Variants in CDC6 observed in about 807,000 individuals in gnomAD.
The protein encoded by CDC6 is cell division cycle 6, also known as DNA replication factor CDC6.
In CDC6, 46 loss-of-function variants were observed where a neutral mutation model predicts 60.2. The ratio of observed to expected loss-of-function variants is 0.76; its 90% CI spans 0.60 to 0.98. The LOEUF (loss-of-function observed/expected upper bound fraction) is 0.98. CDC6 is among the 50% of genes least tolerant of loss of function. The probability of loss-of-function intolerance (pLI) is 0.00; values close to 1 mark genes in which losing one functional copy is unlikely to be tolerated. For synonymous variants in CDC6, 210 were observed against 233.2 expected (o/e 0.90, Z 0.90); for missense variants, 596 against 652.9 (o/e 0.91, Z 0.95).
intron 4 of CDC6, among the ~76,000 whole-genome samples, chr17:40,292,492 G>C (rs760319042): frequency 4.6e-5 from 7 of 151,958 alleles, no homozygotes; most frequent in Non-Finnish European, 1.0e-4. Flanking sequence ...AAAATTAGCC[G>C]GGCATGGTGG....
At chr17:40,290,783 A>G (rs1037740051) in intron 2 of CDC6, among the ~76,000 whole-genome samples, 1 of 152,210 alleles carries the variant, frequency 6.6e-6, no homozygotes, top group African/African-American at 2.4e-5. Flanking sequence ...ACTCCACAGC[A>G]TGCAATTTAA....
At chr17:40,296,577 C>G in intron 8 of CDC6, 126 bp from the exon 9 acceptor site, 1 of 689,946 alleles carries the variant, frequency 1.4e-6, no homozygotes, top group African/African-American at 1.8e-5. Flanking sequence ...CCATGTTAGC[C>G]TACATGACCA....
chr17:40,292,532 G>A lies in CDC6; in HGVS notation c.660+864G>A, dbSNP rs955208851. 4.6e-5 allele frequency among the ~76,000 whole-genome samples: 7 copies of A among 152,122 alleles called. 1 individual carries two copies. The highest frequency in any genetic ancestry group is 3.9e-4 in the Admixed American group (6 of 15,276). ...TGCCTATAATCCCAGCTACTCGGGA[G>A]GCTGAGGCAGGAGGATCACTTGAAC... On this transcript the variant is annotated intron_variant, in intron 4 of 11. Transcript: ENST00000209728.
At chr17:40,299,432 T>A (rs2032907119) in intron 9 of CDC6, among the ~76,000 whole-genome samples, 1 of 151,260 alleles carries the variant, frequency 6.6e-6, no homozygotes, top group Non-Finnish European at 1.5e-5. Context: ...TCCACCCTCC[T>A]ATAGGCCCCA....
chr17:40,294,298 C>A, intron 6 of CDC6, 66 bp from the exon 7 acceptor site: 1 of 1,314,908 alleles, frequency 7.6e-7, no homozygotes. Flanking sequence ...ATTTAGCTTT[C>A]AGAAGATTTA....
At chr17:40,298,378 G>A (rs1029342036) in intron 9 of CDC6, among the ~76,000 whole-genome samples, 3 of 150,808 alleles carry the variant, frequency 2.0e-5, no homozygotes, top group East Asian at 2.0e-4. Context: ...TGGTTTGTGC[G>A]GGATTGGCTT....
At chr17:40,301,087 G>A (rs2032933922) in intron 10 of CDC6, 57 bp downstream of exon 10, 1 of 1,259,034 alleles carries the variant, frequency 7.9e-7, no homozygotes, top group Non-Finnish European at 1.2e-6. Context: ...GCTTTGCAGA[G>A]CAGGTATTTT....
At chr17:40,288,571 C>T (rs2032697563) in intron 1 of CDC6, among the ~76,000 whole-genome samples, 1 of 150,530 alleles carries the variant, frequency 6.6e-6, no homozygotes, top group African/African-American at 2.4e-5. Flanking sequence ...AGGCGCCCGC[C>T]ACCACGTCCG....
rs186714453 is a variant in CDC6, at chr17:40,295,270, A to G, written c.1084-86A>G. ...GAGTTGCCAATCAAGTTTAGGGTTA[A>G]ATGTGAAAATATTTATGCTTGGGAC... On this transcript the variant is annotated intron_variant, in intron 7 of 11. Coordinates refer to ENST00000209728, the MANE Select transcript of CDC6 (RefSeq NM_001254.4). 161 of 906,550 alleles carry G rather than the reference A, an allele frequency of 1.8e-4. No homozygotes were observed. The African/African-American group carries it at 2.1e-3, about 12-fold the overall frequency. 56.2% of individuals were successfully genotyped at this position (906,550 alleles called of 1,614,324 possible). A position where few individuals can be genotyped will look rare whatever the true frequency, so the allele number is the denominator to read the frequency against.
At chr17:40,297,802 A>C (rs1284273198) in intron 9 of CDC6, among the ~76,000 whole-genome samples, 1 of 152,212 alleles carries the variant, frequency 6.6e-6, no homozygotes, top group Admixed American at 6.5e-5. Context: ...TATAAGTTCA[A>C]CTTGGGATAT....
Position 40,293,451 on chromosome 17 carries a change from T to C in CDC6, c.661-5T>C, listed in dbSNP as rs766351438. ...TAACTCCCATATTTGCATTTTTTTTTCCAGAAGGAACTGAAAGGCTTTAAA... is the reference window on the plus strand; with the variant it reads ...TAACTCCCATATTTGCATTTTTTTTCCCAGAAGGAACTGAAAGGCTTTAAA... On this transcript the variant is annotated splice_region_variant and splice_polypyrimidine_tract_variant and intron_variant, in intron 4 of 11. Transcript: ENST00000209728. The C allele has an allele frequency of 2.9e-5, 46 of 1,613,296 alleles. No homozygotes were observed. Among genetic ancestry groups the C allele is most frequent in the Middle Eastern group, 3.3e-4 (2 of 6,084 alleles).
At chr17:40,299,138 CTTTTTTTTTT>C (rs67162965) in intron 9 of CDC6, among the ~76,000 whole-genome samples, 47 of 60,780 alleles carry the variant, frequency 7.7e-4, no homozygotes, top group Non-Finnish European at 1.1e-3. Flanking sequence ...AGGCCATAGT[CTTTTTTTTTT>C]TTTTTTTTTT....
At chr17:40,295,230 C>A in intron 7 of CDC6, 126 bp from the exon 8 acceptor site, 2 of 746,126 alleles carry the variant, frequency 2.7e-6, no homozygotes, top group South Asian at 1.5e-5. Context: ...GAAAAGGCAT[C>A]TTTTTAACCC....
intron 4 of CDC6, 103 bp downstream of exon 4, chr17:40,291,771 A>T: frequency 8.1e-7 from 1 of 1,235,994 alleles, no homozygotes; most frequent in Non-Finnish European, 1.2e-6. Context: ...TTTGAGACGG[A>T]GTCTCGCTCT....
At chr17:40,289,933 A>C (rs1300826471) in intron 2 of CDC6, among the ~76,000 whole-genome samples, 1 of 144,422 alleles carries the variant, frequency 6.9e-6, no homozygotes, top group African/African-American at 2.6e-5. Context: ...CATATTGGCC[A>C]ATCTGGTCTC....
At chr17:40,298,831 A>T (rs2032895877) in intron 9 of CDC6, among the ~76,000 whole-genome samples, 2 of 152,216 alleles carry the variant, frequency 1.3e-5, no homozygotes, top group South Asian at 4.1e-4. Flanking sequence ...AGCATTGAAG[A>T]TATTCAGACA....
chr17:40,303,117 G>C lies in CDC6; in HGVS notation c.*1116G>C, dbSNP rs1233135842. On this transcript the variant is annotated 3_prime_UTR_variant, in exon 12 of 12. Coordinates refer to ENST00000209728, the MANE Select transcript of CDC6 (RefSeq NM_001254.4). Reference sequence around the variant, plus strand: ...ATTAGATAAATTAGTCCATATGGTTGGTTAATCAAGAGCCTTCTGGGTTTG... The same window carrying C: ...ATTAGATAAATTAGTCCATATGGTTCGTTAATCAAGAGCCTTCTGGGTTTG... 6.6e-6 allele frequency: 1 copy of C among 152,122 alleles called. No individual in the cohort carries two copies. The highest frequency in any genetic ancestry group is 2.4e-5 in the African/African-American group (1 of 41,392). 9.4% of individuals were successfully genotyped at this position (152,122 alleles called of 1,614,324 possible). A position where few individuals can be genotyped will look rare whatever the true frequency, so the allele number is the denominator to read the frequency against.
chr17:40,291,592 C>G lies in CDC6; in HGVS notation c.584C>G (p.Ala195Gly), dbSNP rs1197413245. ...FLREHICGKKAGSLYLSGAPG... is the reference protein window; with the variant it reads ...FLREHICGKKGGSLYLSGAPG... ...AGGGAACACATCTGTGGGAAAAAAG[C>G]TGGAAGCCTTTACCTTTCTGGTGCT... The change falls in exon 4 of 12, where the codon GCT becomes GGT. Residue 195 changes from alanine (A) to glycine (G), a missense_variant. Ala to Gly is a moderately conservative substitution (Grantham distance 60). Transcript: ENST00000209728. 39 of 1,614,232 alleles carry G rather than the reference C, an allele frequency of 2.4e-5. No individual in the cohort carries two copies. Among genetic ancestry groups the G allele is most frequent in the Non-Finnish European group, 2.9e-5 (34 of 1,180,036 alleles).
In CDC6 at chr17:40,289,753, G is replaced by A. The variant is rs1373426916; in HGVS notation, c.178+155G>A. Among the ~76,000 whole-genome samples, 3 of 138,616 alleles carry A rather than the reference G, an allele frequency of 2.2e-5. No individual in the cohort carries two copies. In the Admixed American group the frequency reaches 2.4e-4, roughly 11 times the overall value. 90.9% of individuals were successfully genotyped at this position (138,616 alleles called of 152,430 possible). A position where few individuals can be genotyped will look rare whatever the true frequency, so the allele number is the denominator to read the frequency against. Reference sequence around the variant, plus strand: ...AGACAGAGTCTCGCTCCATCTCCCAGGCTGGAGTGCAATAGTGCGATCTTG... The same window carrying A: ...AGACAGAGTCTCGCTCCATCTCCCAAGCTGGAGTGCAATAGTGCGATCTTG... On this transcript the variant is annotated intron_variant, in intron 2 of 11. Transcript: ENST00000209728.
Sources: gnomAD v4.1 joint callset for allele counts (sites outside exome capture counted in the v4.1 genomes callset) on GRCh38, gnomAD v4.1.1 for gene constraint, MANE v1.5 for transcripts, NCBI Gene and HGNC (gene_info 2026-07-23, HGNC 2026-07-21) for gene names.